Variants in FBRSL1 observed in about 807,000 individuals in gnomAD.
FBRSL1 encodes fibrosin like 1.
In FBRSL1, 51 loss-of-function variants were observed where a neutral mutation model predicts 89.6. That is an observed-to-expected ratio of 0.57 (90% CI 0.45 to 0.72). FBRSL1 has a LOEUF of 0.72. FBRSL1 is among the 30% of genes least tolerant of loss of function. The probability of loss-of-function intolerance (pLI) is 0.00; values close to 1 mark genes in which losing one functional copy is unlikely to be tolerated. For synonymous variants in FBRSL1, 779 were observed against 681.1 expected, an observed-to-expected ratio of 1.14 and a Z score of -2.24; for missense variants, 1,618 against 1,451.8, an observed-to-expected ratio of 1.11 and a Z score of -1.86.
intron 4 of FBRSL1, among the ~76,000 whole-genome samples, chr12:132,531,547 G>T (rs1249192362): frequency 7.3e-6 from 1 of 136,232 alleles, no homozygotes; most frequent in Non-Finnish European, 1.7e-5. Context: ...GCCTCTGTGT[G>T]TGCGTGTGTG....
chr12:132,566,651 C>T (rs964298304), intron 5 of FBRSL1, among the ~76,000 whole-genome samples: 1 of 142,880 alleles, frequency 7.0e-6, no homozygotes, highest in African/African-American at 2.6e-5. Flanking sequence ...GAGAGCTCCC[C>T]CACATAGCCT....
intron 4 of FBRSL1, among the ~76,000 whole-genome samples, chr12:132,545,190 C>T (rs1465118916): frequency 6.6e-6 from 1 of 152,188 alleles, no homozygotes; most frequent in African/African-American, 2.4e-5. Flanking sequence ...CCCTTCGGGG[C>T]CTGGGGTCTG....
chr12:132,518,900 C>A (rs779332673), intron 2 of FBRSL1, among the ~76,000 whole-genome samples: 1 of 149,568 alleles, frequency 6.7e-6, no homozygotes, highest in Non-Finnish European at 1.5e-5. Context: ...TATCCATCCA[C>A]CCACCCACCC....
chr12:132,571,122 C>A lies in FBRSL1; in HGVS notation c.1268C>A (p.Ser423Ter). Residue 423 changes from serine (S) to a stop codon, truncating the protein, a stop_gained, in exon 9 of 19, where the codon TCG becomes TAG. Coordinates refer to ENST00000680143, the MANE Select transcript of FBRSL1 (RefSeq NM_001367871.1). LOFTEE classifies it high-confidence loss of function. ...CCAATCATGTATTGCCAGCCTCATTCGGGAATTCTGATTGGTACTTGGTCA... is the reference window on the plus strand; with the variant it reads ...CCAATCATGTATTGCCAGCCTCATTAGGGAATTCTGATTGGTACTTGGTCA... ...SQPIMYCQPHSGILIGTWSQA... is the reference protein window; with the variant it reads ...SQPIMYCQPH The A allele has an allele frequency of 2.2e-6, 3 of 1,371,554 alleles. No individual in the cohort carries two copies. The highest frequency in any genetic ancestry group is 1.9e-6 in the Non-Finnish European group (2 of 1,063,918). 85.0% of individuals were successfully genotyped at this position (1,371,554 alleles called of 1,614,324 possible).
intron 5 of FBRSL1, chr12:132,565,596 T>G (rs953939843): frequency 3.9e-5 from 6 of 152,210 alleles, no homozygotes; most frequent in African/African-American, 1.4e-4. Context: ...AGTGTGTGTA[T>G]GTGCCTGTGT....
chr12:132,581,856 G>A (rs763916048), intron 17 of FBRSL1, 32 bp downstream of exon 17: 2 of 1,194,080 alleles, frequency 1.7e-6, no homozygotes, highest in African/African-American at 1.7e-5. Flanking sequence ...CCCCTCCCCC[G>A]ATGCCCGCGC....
rs1012399699 is a variant in FBRSL1, at chr12:132,513,723, G to A, written c.489+5373G>A. 3.3e-5 allele frequency among the ~76,000 whole-genome samples: 5 copies of A among 152,182 alleles called. No homozygotes were observed. In the East Asian group the frequency reaches 9.6e-4, roughly 29 times the overall value. On this transcript the variant is annotated intron_variant, in intron 2 of 18. Coordinates refer to ENST00000680143, the MANE Select transcript of FBRSL1 (RefSeq NM_001367871.1). Reference sequence around the variant, plus strand: ...AGTGGTTGGTTTGTTGTTGGGGGAGGAGAAGGGGAGGTCGGGGTGGATTCC... The same window carrying A: ...AGTGGTTGGTTTGTTGTTGGGGGAGAAGAAGGGGAGGTCGGGGTGGATTCC...
intron 9 of FBRSL1, 106 bp downstream of exon 9, chr12:132,571,337 C>T (rs906191712): frequency 8.4e-6 from 13 of 1,549,646 alleles, no homozygotes; most frequent in Middle Eastern, 1.7e-4. Flanking sequence ...GAGCTGAACA[C>T]GCGGTTTCTG....
intron 1 of FBRSL1, among the ~76,000 whole-genome samples, chr12:132,494,207 C>T (rs2031611602): frequency 6.6e-6 from 1 of 152,184 alleles, no homozygotes; most frequent in Non-Finnish European, 1.5e-5. Context: ...CCTTTTGTTT[C>T]CTGTGACAAC....
chr12:132,513,939 G>T (rs1292193364), intron 2 of FBRSL1, among the ~76,000 whole-genome samples: 1 of 152,166 alleles, frequency 6.6e-6, no homozygotes, highest in Non-Finnish European at 1.5e-5. Context: ...CTGGTGTGTG[G>T]GCATCTGCCT....
At chr12:132,548,909 T>C (rs1035243482) in intron 5 of FBRSL1, among the ~76,000 whole-genome samples, 2 of 152,224 alleles carry the variant, frequency 1.3e-5, no homozygotes, top group Non-Finnish European at 2.9e-5. Context: ...AGGGAGACGC[T>C]GCCCTGGGTT....
At chr12:132,545,464 AT>A (rs2037613638) in intron 4 of FBRSL1, among the ~76,000 whole-genome samples, 1 of 152,210 alleles carries the variant, frequency 6.6e-6, no homozygotes, top group South Asian at 2.1e-4. Flanking sequence ...GTGCCGTGCT[AT>A]TTGGTTAATG....
rs145973777 is a variant in FBRSL1 at position 132,533,882 on chromosome 12, G to A, written c.615+5894G>A. 8.5e-5 allele frequency among the ~76,000 whole-genome samples: 13 copies of A among 152,338 alleles called. No individual in the cohort carries two copies. The East Asian group carries it at 1.9e-3, about 23-fold the overall frequency. The stretch of plus-strand genomic sequence containing the variant: ...CTGCCAGGTCGGAAGGAAGGTGGCC[G>A]GGGTCAGGGCAGCATCTCAGAAGGG... On this transcript the variant is annotated intron_variant, in intron 4 of 18. Transcript: ENST00000680143.
chr12:132,490,598 C>T lies in FBRSL1; in HGVS notation c.28C>T (p.Arg10Cys). 4.1e-6 allele frequency: 4 copies of T among 982,820 alleles called. No individual in the cohort carries two copies. Among genetic ancestry groups the T allele is most frequent in the Admixed American group, 6.3e-5 (1 of 15,828 alleles). 60.9% of individuals were successfully genotyped at this position (982,820 alleles called of 1,614,324 possible). A position where few individuals can be genotyped will look rare whatever the true frequency, so the allele number is the denominator to read the frequency against. The change falls in exon 1 of 19, where the codon CGC (arginine) becomes TGC (cysteine). Residue 10 changes from arginine (R) to cysteine (C), a missense_variant. Arg to Cys is a radical substitution (Grantham distance 180, BLOSUM62 -3). Transcript: ENST00000680143. ...GGAGGCCAAGGTCCGCCCGAGCCGG[C>T]GCTCGCGCGCGCAGCGGGACCGTGG... is the stretch of plus-strand genomic sequence containing the variant. MEAKVRPSR[R>C]SRAQRDRGRR...
At chr12:132,536,204 G>A (rs997085530) in intron 4 of FBRSL1, among the ~76,000 whole-genome samples, 7 of 149,134 alleles carry the variant, frequency 4.7e-5, no homozygotes, top group Non-Finnish European at 1.0e-4. Context: ...GTACATGATA[G>A]TGTGTGTGAG....
At chr12:132,577,279 C>T (rs1391657385) in intron 15 of FBRSL1, among the ~76,000 whole-genome samples, 1 of 152,152 alleles carries the variant, frequency 6.6e-6, no homozygotes, top group Non-Finnish European at 1.5e-5. Context: ...GGCCACCCCT[C>T]CTCCCTGGGG....
chr12:132,528,007 C>T lies in FBRSL1; in HGVS notation c.615+19C>T. 6.4e-7 allele frequency: 1 copy of T among 1,550,940 alleles called. No individual in the cohort carries two copies. The highest frequency in any genetic ancestry group is 8.7e-7 in the Non-Finnish European group (1 of 1,146,468). On this transcript the variant is annotated intron_variant, in intron 4 of 18. Transcript: ENST00000680143. ...CTACTCTGTAAGTCTCCCAGCACCC[C>T]TCCTCCATCTTTGTCCCCCTGGGGC...
rs957657219 is a variant in FBRSL1 at position 132,542,880 on chromosome 12, G to A, written c.616-5123G>A. Among the ~76,000 whole-genome samples, 31 of 152,372 alleles carry A rather than the reference G, an allele frequency of 2.0e-4. No individual in the cohort carries two copies. The East Asian group carries it at 5.8e-3, about 28-fold the overall frequency. The stretch of plus-strand genomic sequence containing the variant: ...TTAACACTTGCACTGGGAAGGGGAG[G>A]CATGTGTTCTTTGCTGCTTAATAGC... On this transcript the variant is annotated intron_variant, in intron 4 of 18. Transcript: ENST00000680143.
At chr12:132,548,370 G>A (rs1269243699) in intron 5 of FBRSL1, among the ~76,000 whole-genome samples, 1 of 152,190 alleles carries the variant, frequency 6.6e-6, no homozygotes, top group Non-Finnish European at 1.5e-5. Context: ...GAGGGCAGCT[G>A]GGCCTGTGCC....
Sources: gnomAD v4.1 joint callset for allele counts (sites outside exome capture counted in the v4.1 genomes callset) on GRCh38, gnomAD v4.1.1 for gene constraint, MANE v1.5 for transcripts, NCBI Gene and HGNC (gene_info 2026-07-23, HGNC 2026-07-21) for gene names.